Variants in SPINT2 observed in about 807,000 individuals in gnomAD.
The protein encoded by SPINT2 is kunitz-type protease inhibitor 2.
Under a neutral mutation model 30.1 loss-of-function variants are expected in SPINT2, and 18 were observed. The ratio of observed to expected loss-of-function variants is 0.60; its 90% CI spans 0.41 to 0.89. The LOEUF (loss-of-function observed/expected upper bound fraction) is 0.89. Ranked by LOEUF, SPINT2 falls within the 40% of genes least tolerant of loss-of-function variation. The pLI is 0.00. For missense variants in SPINT2, 276 were observed against 334.3 expected (o/e 0.83, Z 1.36); for synonymous variants, 139 against 137.9 (o/e 1.01, Z -0.05).
At chr19:38,288,042 T>G in intron 3 of SPINT2, 107 bp downstream of exon 3, 1 of 1,409,038 alleles carries the variant, frequency 7.1e-7, no homozygotes, top group Non-Finnish European at 1.0e-6. Context: ...CATGGTTCTG[T>G]TTACTCAAAA....
intron 1 of SPINT2, among the ~76,000 whole-genome samples, chr19:38,270,236 G>T (rs1053003192): frequency 6.6e-6 from 1 of 152,202 alleles, no homozygotes; most frequent in Non-Finnish European, 1.5e-5. Flanking sequence ...AGTAAAGCTG[G>T]TGTTGGCGAT....
At chr19:38,282,141 C>T (rs777751488) in intron 1 of SPINT2, among the ~76,000 whole-genome samples, 6 of 152,080 alleles carry the variant, frequency 3.9e-5, no homozygotes, top group East Asian at 1.9e-4. Context: ...CTTTTTTGTC[C>T]GTTGATTAGT....
chr19:38,268,766 C>CGCGTGTGTGTGTGTGTGTGTGT (rs375982086), intron 1 of SPINT2, among the ~76,000 whole-genome samples: 1,844 of 149,872 alleles, frequency 0.012, 24 homozygotes, highest in Non-Finnish European at 0.017. Flanking sequence ...TGCGCGCGCG[C>CGCGTGTGTGTGTGTGTGTGTGT]GTGTGTGTGT....
At chr19:38,277,312 C>G (rs1167679067) in intron 1 of SPINT2, among the ~76,000 whole-genome samples, 1 of 152,074 alleles carries the variant, frequency 6.6e-6, no homozygotes, top group Non-Finnish European at 1.5e-5. Context: ...GTGGCGCAAT[C>G]TCAGCTCACT....
intron 1 of SPINT2, among the ~76,000 whole-genome samples, chr19:38,274,360 AT>A (rs1352638241): frequency 6.6e-6 from 1 of 152,188 alleles, no homozygotes; most frequent in African/African-American, 2.4e-5. Flanking sequence ...CTTGGATTAA[AT>A]GACTCTTCAG....
chr19:38,287,939 G>C lies in SPINT2; in HGVS notation c.337+4G>C, dbSNP rs769723508. 3 of 1,614,180 alleles carry C rather than the reference G, an allele frequency of 1.9e-6. No homozygotes were observed. The stretch of plus-strand genomic sequence containing the variant: ...GCGGATTCCTCTGTCCCAAGTGGTA[G>C]GTTCTTAAAGAGACCCGCGATGGAG... On this transcript the variant is annotated splice_donor_region_variant and intron_variant, in intron 3 of 6. Coordinates refer to ENST00000301244, the MANE Select transcript of SPINT2 (RefSeq NM_021102.4).
chr19:38,277,687 C>T (rs769829003), intron 1 of SPINT2, among the ~76,000 whole-genome samples: 12 of 152,324 alleles, frequency 7.9e-5, no homozygotes, highest in Admixed American at 4.6e-4. Flanking sequence ...TGTTTTCCAA[C>T]ACATTCAAAG....
chr19:38,283,172 C>T (rs546597829), intron 1 of SPINT2, among the ~76,000 whole-genome samples: 188 of 152,142 alleles, frequency 1.2e-3, no homozygotes, highest in African/African-American at 4.4e-3. Flanking sequence ...AAAAAAAGCC[C>T]AGCATGGTGG....
chr19:38,283,197 T>A (rs569016359), intron 1 of SPINT2, among the ~76,000 whole-genome samples: 1 of 152,046 alleles, frequency 6.6e-6, no homozygotes, highest in Non-Finnish European at 1.5e-5. Flanking sequence ...CGCCTGTAGT[T>A]CCAGTTGCTT....
rs571488115 is a variant in SPINT2, at chr19:38,279,164, G to C, written c.107-4463G>C. 4.7e-5 allele frequency among the ~76,000 whole-genome samples: 7 copies of C among 150,078 alleles called. No homozygotes were observed. In the South Asian group the frequency reaches 1.5e-3, roughly 32 times the overall value. ...CTTCAGCCAATTAATCTGCTACTTA[G>C]AACTCTTTTACTCAAATGAAATTTG... On this transcript the variant is annotated intron_variant, in intron 1 of 6. Transcript: ENST00000301244.
At chr19:38,280,389 G>A (rs1348294520) in intron 1 of SPINT2, among the ~76,000 whole-genome samples, 1 of 152,098 alleles carries the variant, frequency 6.6e-6, no homozygotes, top group African/African-American at 2.4e-5. Context: ...GCTTTCCAAG[G>A]TGTTTTGCTG....
At chr19:38,285,787 A>T (rs939774570) in intron 2 of SPINT2, among the ~76,000 whole-genome samples, 1 of 152,016 alleles carries the variant, frequency 6.6e-6, no homozygotes, top group Non-Finnish European at 1.5e-5. Context: ...CAGTTACTGT[A>T]TTTCTATCGT....
intron 2 of SPINT2, 68 bp downstream of exon 2, chr19:38,283,865 G>A (rs1189856091): frequency 1.1e-5 from 14 of 1,292,834 alleles, no homozygotes; most frequent in African/African-American, 7.1e-5. Context: ...TTTTTGAGAC[G>A]GAGTCTTGCT....
intron 4 of SPINT2, 183 bp from the exon 5 acceptor site, chr19:38,289,936 C>G: frequency 1.4e-6 from 1 of 691,874 alleles, no homozygotes; most frequent in East Asian, 2.7e-5. Flanking sequence ...AAGCCGTCAC[C>G]TGGACCCAAG....
At chr19:38,271,534 A>G (rs1968456621) in intron 1 of SPINT2, among the ~76,000 whole-genome samples, 1 of 147,622 alleles carries the variant, frequency 6.8e-6, no homozygotes, top group Admixed American at 6.8e-5. Context: ...GCCACTTACA[A>G]GAGACCACCA....
chr19:38,268,693 A>G (rs1263836478), intron 1 of SPINT2, among the ~76,000 whole-genome samples: 3 of 152,096 alleles, frequency 2.0e-5, no homozygotes, highest in African/African-American at 7.2e-5. Flanking sequence ...TCCATTTAGT[A>G]AATGGTAACA....
Position 38,292,069 on chromosome 19 carries a change from AG to A in SPINT2, c.*64del, listed in dbSNP as rs1234694435. 12 of 1,587,014 alleles carry A rather than the reference AG, an allele frequency of 7.6e-6. No individual in the cohort carries two copies. The African/African-American group carries it at 1.1e-4, about 14-fold the overall frequency. On this transcript the variant is annotated 3_prime_UTR_variant, in exon 7 of 7. Transcript: ENST00000301244. ...GACTATGTGTGAGCTTTTTTTAAATAGAGGGATTGACTCGGATTTGAGTGAT... is the reference window on the plus strand; with the variant it reads ...GACTATGTGTGAGCTTTTTTTAAATAAGGGATTGACTCGGATTTGAGTGAT...
chr19:38,285,845 T>TA (rs1400250255), intron 2 of SPINT2, among the ~76,000 whole-genome samples: 3 of 152,230 alleles, frequency 2.0e-5, no homozygotes, highest in Non-Finnish European at 4.4e-5. Context: ...TATCTTTTGC[T>TA]ACCTTTTCTG....
chr19:38,286,088 T>C (rs1401577421), intron 2 of SPINT2, among the ~76,000 whole-genome samples: 2 of 152,098 alleles, frequency 1.3e-5, no homozygotes, highest in Admixed American at 6.6e-5. Context: ...CTGGCTGCAA[T>C]GTGTGTCTCT....
Sources: gnomAD v4.1 joint callset for allele counts (sites outside exome capture counted in the v4.1 genomes callset) on GRCh38, gnomAD v4.1.1 for gene constraint, MANE v1.5 for transcripts, NCBI Gene and HGNC (gene_info 2026-07-23, HGNC 2026-07-21) for gene names.